Variants in CCDC178 observed in about 807,000 individuals in gnomAD.
CCDC178 encodes coiled-coil domain containing 178.
In CCDC178, 126 loss-of-function variants were observed where a neutral mutation model predicts 117.4. That is an observed-to-expected ratio of 1.07 (90% CI 0.93 to 1.24). The LOEUF (loss-of-function observed/expected upper bound fraction) is 1.24. Ranked by LOEUF, CCDC178 falls within the 50% of genes most tolerant of loss-of-function variation. The probability of loss-of-function intolerance (pLI) is 0.00; values close to 1 mark genes in which losing one functional copy is unlikely to be tolerated. For missense variants in CCDC178, 1,030 were observed against 986.9 expected, an observed-to-expected ratio of 1.04 and a Z score of -0.59; for synonymous variants, 283 against 313.4, an observed-to-expected ratio of 0.90 and a Z score of 1.02.
chr18:33,222,826 A>G (rs2059253321), intron 18 of CCDC178, among the ~76,000 whole-genome samples: 1 of 151,928 alleles, frequency 6.6e-6, no homozygotes, highest in Admixed American at 6.6e-5. Context: ...AGAAAGCAGT[A>G]GACTTCTGCA....
intron 5 of CCDC178, among the ~76,000 whole-genome samples, chr18:33,375,915 G>A (rs1305130777): frequency 1.3e-5 from 2 of 152,106 alleles, no homozygotes; most frequent in Non-Finnish European, 2.9e-5. Flanking sequence ...GACAGACCAA[G>A]GCAAATTTCA....
chr18:33,307,661 C>G (rs916572923), intron 11 of CCDC178, among the ~76,000 whole-genome samples: 1 of 152,220 alleles, frequency 6.6e-6, no homozygotes, highest in Non-Finnish European at 1.5e-5. Flanking sequence ...CATCTCATTA[C>G]AGGTCTGGAG....
At chr18:33,351,148 A>ATG (rs143702049) in intron 7 of CCDC178, among the ~76,000 whole-genome samples, 64,796 of 137,786 alleles carry the variant, frequency 0.47, 15,597 homozygotes, top group Non-Finnish European at 0.55. Flanking sequence ...ACTGATCATG[A>ATG]TGTGTGTGTG....
chr18:33,200,408 C>A (rs1198254046), intron 20 of CCDC178, among the ~76,000 whole-genome samples: 1 of 152,152 alleles, frequency 6.6e-6, no homozygotes, highest in African/African-American at 2.4e-5. Flanking sequence ...AAGTTTAGTG[C>A]GATGTTTTTC....
chr18:33,348,653 G>T (rs2062928579), intron 8 of CCDC178, among the ~76,000 whole-genome samples: 1 of 151,818 alleles, frequency 6.6e-6, no homozygotes, highest in African/African-American at 2.4e-5. Context: ...TTGAGAAGTG[G>T]ATAGCCATCA....
intron 12 of CCDC178, among the ~76,000 whole-genome samples, chr18:33,271,917 T>G (rs2059895755): frequency 6.6e-6 from 1 of 151,582 alleles, no homozygotes; most frequent in Admixed American, 6.6e-5. Flanking sequence ...GTTAGAGCAG[T>G]GCTTTAAAGG....
rs116193728 is a variant in CCDC178 at position 33,174,416 on chromosome 18, T to C, written c.2238+37480A>G. Among the ~76,000 whole-genome samples the C allele has an allele frequency of 4.6e-3, 705 of 152,296 alleles. 5 individuals carry two copies. The highest frequency in any genetic ancestry group is 0.016 in the African/African-American group (676 of 41,564). ...ACATTCAAAGTTAAATAACAGACAC[T>C]TGAAATGAGTCCATTTGATTCCAGA... is the stretch of plus-strand genomic sequence containing the variant. On this transcript the variant is annotated intron_variant, in intron 20 of 22. Coordinates refer to ENST00000383096, the MANE Select transcript of CCDC178 (RefSeq NM_001105528.4).
At chr18:32,942,535 T>C (rs567944837) in intron 22 of CCDC178, among the ~76,000 whole-genome samples, 1 of 151,950 alleles carries the variant, frequency 6.6e-6, no homozygotes, top group Non-Finnish European at 1.5e-5. Flanking sequence ...AAAAAAAAAA[T>C]TATGAGAAAC....
Position 33,385,075 on chromosome 18 carries a change from G to GA in CCDC178, c.208+4464dup, listed in dbSNP as rs930250189. Among the ~76,000 whole-genome samples the GA allele has an allele frequency of 1.9e-4, 29 of 152,178 alleles. No homozygotes were observed. In the East Asian group the frequency reaches 5.4e-3, roughly 28 times the overall value. On this transcript the variant is annotated intron_variant, in intron 5 of 22. Coordinates refer to ENST00000383096, the MANE Select transcript of CCDC178 (RefSeq NM_001105528.4). Reference sequence around the variant, plus strand: ...TGCAGAGGTTGCAATTGTAGTTTCTGAAAAAATAGACTTTAAATCAACAAA... The same window carrying GA: ...TGCAGAGGTTGCAATTGTAGTTTCTGAAAAAAATAGACTTTAAATCAACAAA...
At chr18:33,208,167 C>T (rs912535972) in intron 20 of CCDC178, among the ~76,000 whole-genome samples, 24 of 151,942 alleles carry the variant, frequency 1.6e-4, no homozygotes, top group Non-Finnish European at 3.2e-4. Context: ...ATCAAAAGTA[C>T]TTTTAAAAGA....
intron 20 of CCDC178, among the ~76,000 whole-genome samples, chr18:33,109,611 T>C (rs2057754324): frequency 6.6e-6 from 1 of 151,530 alleles, no homozygotes; most frequent in African/African-American, 2.4e-5. Flanking sequence ...AAAAATATCA[T>C]CACCCCAGAA....
chr18:33,178,045 T>G (rs1369463489), intron 20 of CCDC178, among the ~76,000 whole-genome samples: 3 of 152,090 alleles, frequency 2.0e-5, no homozygotes, highest in African/African-American at 7.2e-5. Flanking sequence ...TAACACCATA[T>G]GCAAATGCTT....
Position 33,379,136 on chromosome 18 carries a change from TTCC to T in CCDC178, c.209-8950_209-8948del, listed in dbSNP as rs2063402782. Among the ~76,000 whole-genome samples, 5 of 139,004 alleles carry T rather than the reference TTCC, an allele frequency of 3.6e-5. No individual in the cohort carries two copies. The Admixed American group carries it at 3.7e-4, about 10-fold the overall frequency. The allele number at this position is 139,004 out of a possible 152,430, so 91.2% of individuals were successfully genotyped here. ...TTCCATATATATATAATATATATAT[TTCC>T]ATATATATATAATATATATATTTCC... On this transcript the variant is annotated intron_variant, in intron 5 of 22. Transcript: ENST00000383096.
chr18:33,030,795 A>G (rs2144859300), intron 21 of CCDC178, among the ~76,000 whole-genome samples: 1 of 152,312 alleles, frequency 6.6e-6, no homozygotes, highest in East Asian at 1.9e-4. Context: ...ATAGATAGAT[A>G]GATGTAGATA....
intron 20 of CCDC178, among the ~76,000 whole-genome samples, chr18:33,188,170 A>G (rs1216965353): frequency 1.3e-5 from 2 of 152,136 alleles, no homozygotes; most frequent in Non-Finnish European, 2.9e-5. Context: ...GGACTCAGTC[A>G]TGGTGCCAAT....
chr18:33,056,836 C>T (rs771520015), intron 21 of CCDC178, among the ~76,000 whole-genome samples: 44 of 151,856 alleles, frequency 2.9e-4, no homozygotes, highest in Admixed American at 1.8e-3. Flanking sequence ...AGTTTATAGA[C>T]CATTATGTGC....
chr18:33,341,746 G>T (rs980412990), intron 9 of CCDC178, among the ~76,000 whole-genome samples: 1 of 152,066 alleles, frequency 6.6e-6, no homozygotes, highest in Middle Eastern at 3.2e-3. Flanking sequence ...GATTTTCTGA[G>T]TTCTCCCTGG....
intron 21 of CCDC178, among the ~76,000 whole-genome samples, chr18:33,042,323 T>G (rs2056563865): frequency 6.6e-6 from 1 of 151,928 alleles, no homozygotes; most frequent in Non-Finnish European, 1.5e-5. Context: ...AATCTGACTG[T>G]ATTCAAACTT....
intron 9 of CCDC178, among the ~76,000 whole-genome samples, chr18:33,344,803 GCACACACACACACACACACACACA>G (rs63067861): frequency 6.6e-5 from 8 of 120,878 alleles, no homozygotes; most frequent in East Asian, 5.0e-4. Flanking sequence ...TGCCTCTAAA[GCACACACACACACACACACACACA>G]CACACACACA....
Sources: allele counts gnomAD v4.1 joint callset (sites outside exome capture counted in the v4.1 genomes callset), GRCh38; gene constraint gnomAD v4.1.1; transcripts MANE v1.5; gene names NCBI Gene and HGNC (gene_info 2026-07-23, HGNC 2026-07-21).